The following ZBTB20 variants were observed in gnomAD, a reference collection of about 807,000 sequenced individuals.
The protein encoded by ZBTB20 is zinc finger and BTB domain-containing protein 20.
In ZBTB20, 9 loss-of-function variants were observed where a neutral mutation model predicts 56.9. That is an observed-to-expected ratio of 0.16 (90% CI 0.10 to 0.28). The LOEUF is 0.28. Ranked by LOEUF, ZBTB20 falls within the 10% of genes least tolerant of loss-of-function variation. The pLI is 1.00. For synonymous variants in ZBTB20, 417 were observed against 420.7 expected (o/e 0.99, Z 0.11); for missense variants, 655 against 1,003.0 (o/e 0.65, Z 4.69).
At chr3:115,049,205 G>C (rs1053593299) in intron 2 of ZBTB20, among the ~76,000 whole-genome samples, 2 of 152,112 alleles carry the variant, frequency 1.3e-5, no homozygotes, top group Non-Finnish European at 2.9e-5. Flanking sequence ...TATATAGAGA[G>C]AGGAATTATC....
intron 5 of ZBTB20, among the ~76,000 whole-genome samples, chr3:114,705,799 G>A (rs977043980): frequency 6.6e-6 from 1 of 152,156 alleles, no homozygotes; most frequent in African/African-American, 2.4e-5. Context: ...CCAGCACTGG[G>A]AGATGTCATG....
intron 2 of ZBTB20, among the ~76,000 whole-genome samples, chr3:115,045,593 T>G (rs987653811): frequency 1.3e-5 from 2 of 151,128 alleles, no homozygotes; most frequent in Non-Finnish European, 3.0e-5. Flanking sequence ...TAAAATGCAA[T>G]CAATCCAGTC....
At chr3:114,799,227 T>TG (rs1406160549) in intron 5 of ZBTB20, among the ~76,000 whole-genome samples, 1 of 151,922 alleles carries the variant, frequency 6.6e-6, no homozygotes, top group Non-Finnish European at 1.5e-5. Flanking sequence ...TCATCTACCC[T>TG]GGAATTGGGC....
At chr3:114,999,990 G>A (rs1395777764) in intron 2 of ZBTB20, among the ~76,000 whole-genome samples, 1 of 151,322 alleles carries the variant, frequency 6.6e-6, no homozygotes, top group East Asian at 2.0e-4. Context: ...TTTGTTTAAG[G>A]CATAACTCTG....
chr3:114,409,125 C>CT (rs56339103), intron 7 of ZBTB20, among the ~76,000 whole-genome samples: 2,615 of 71,914 alleles, frequency 0.036, 197 homozygotes, highest in African/African-American at 0.05. Flanking sequence ...AAAGGGAAGA[C>CT]TTTTTTTTTT....
chr3:114,705,553 C>A (rs932516276), intron 5 of ZBTB20, among the ~76,000 whole-genome samples: 3 of 152,068 alleles, frequency 2.0e-5, no homozygotes, highest in African/African-American at 4.8e-5. Flanking sequence ...AGACCCACAC[C>A]CACTTCTTCT....
chr3:114,863,314 T>C (rs1237997182), intron 4 of ZBTB20, among the ~76,000 whole-genome samples: 2 of 152,154 alleles, frequency 1.3e-5, no homozygotes, highest in Non-Finnish European at 2.9e-5. Context: ...CTATATTAGT[T>C]ATTCATATTG....
chr3:115,095,660 T>G (rs1560568769), intron 1 of ZBTB20, among the ~76,000 whole-genome samples: 1 of 152,182 alleles, frequency 6.6e-6, no homozygotes, highest in Non-Finnish European at 1.5e-5. Context: ...ACATACATGA[T>G]AGTAATCATA....
At chr3:114,670,716 A>G (rs956191091) in intron 6 of ZBTB20, among the ~76,000 whole-genome samples, 2 of 152,106 alleles carry the variant, frequency 1.3e-5, no homozygotes, top group Non-Finnish European at 2.9e-5. Flanking sequence ...ATCTTGCTCT[A>G]GAGAAAAACA....
chr3:114,778,593 T>C (rs1482897614), intron 5 of ZBTB20, among the ~76,000 whole-genome samples: 23 of 152,166 alleles, frequency 1.5e-4, no homozygotes, highest in Admixed American at 1.5e-3. Context: ...CTAATAGATG[T>C]AGACTACAGA....
At chr3:115,091,505 CTT>C in intron 1 of ZBTB20, among the ~76,000 whole-genome samples, 1 of 151,972 alleles carries the variant, frequency 6.6e-6, no homozygotes, top group Non-Finnish European at 1.5e-5. Context: ...ACAATACACA[CTT>C]GTGAATAGGC....
rs200832656 is a variant in ZBTB20, at chr3:114,938,494, T to TA, written c.-456+35871dup. Among the ~76,000 whole-genome samples, 47 of 146,154 alleles carry TA rather than the reference T, an allele frequency of 3.2e-4. 1 individual carries two copies. The East Asian group carries it at 8.9e-3, about 28-fold the overall frequency. ...TACACCATGGAATACTATGCAGCCATAAAAAGGATGAGTTCATCTCCTTTG... is the reference window on the plus strand; with the variant it reads ...TACACCATGGAATACTATGCAGCCATAAAAAAGGATGAGTTCATCTCCTTTG... On this transcript the variant is annotated intron_variant, in intron 3 of 11. Coordinates refer to ENST00000675478, the MANE Select transcript of ZBTB20 (RefSeq NM_001348800.3).
intron 1 of ZBTB20, among the ~76,000 whole-genome samples, chr3:115,117,887 T>C (rs982157295): frequency 6.6e-6 from 1 of 152,208 alleles, no homozygotes; most frequent in Non-Finnish European, 1.5e-5. Flanking sequence ...TTACTCTTAA[T>C]TATTCATGGG....
chr3:115,131,961 G>A lies in ZBTB20; in HGVS notation c.-703+15258C>T, dbSNP rs931870674. On this transcript the variant is annotated intron_variant, in intron 1 of 11. Coordinates refer to ENST00000675478, the MANE Select transcript of ZBTB20 (RefSeq NM_001348800.3). ...TTTAGATGAGCTGACTTTGTAATAT[G>A]TTCTGGTATGTGTAATACAAGTCCC... is the stretch of plus-strand genomic sequence containing the variant. Among the ~76,000 whole-genome samples, 57 of 151,936 alleles carry A rather than the reference G, an allele frequency of 3.8e-4. 1 individual carries two copies. Among genetic ancestry groups the A allele is most frequent in the African/African-American group, 1.4e-3 (57 of 41,346 alleles).
intron 6 of ZBTB20, among the ~76,000 whole-genome samples, chr3:114,505,145 G>T (rs2044451165): frequency 6.6e-6 from 1 of 152,130 alleles, no homozygotes; most frequent in South Asian, 2.1e-4. Flanking sequence ...TGCCAGCTGA[G>T]GTATCTGGCT....
intron 6 of ZBTB20, among the ~76,000 whole-genome samples, chr3:114,549,465 T>C (rs976758445): frequency 7.9e-5 from 12 of 152,192 alleles, no homozygotes; most frequent in African/African-American, 2.9e-4. Context: ...TTTTTCAACA[T>C]GGTAATATTA....
intron 6 of ZBTB20, among the ~76,000 whole-genome samples, chr3:114,594,555 A>T (rs1196925427): frequency 6.6e-6 from 1 of 152,114 alleles, no homozygotes; most frequent in Non-Finnish European, 1.5e-5. Context: ...TCTGCAGGCT[A>T]ATTCTATGTT....
intron 4 of ZBTB20, among the ~76,000 whole-genome samples, chr3:114,848,376 G>A (rs983047525): frequency 1.3e-5 from 2 of 152,128 alleles, no homozygotes; most frequent in African/African-American, 2.4e-5. Context: ...GCCTGGCACC[G>A]CTATAGAGCA....
At chr3:114,991,098 T>C (rs2078787623) in intron 2 of ZBTB20, among the ~76,000 whole-genome samples, 1 of 152,200 alleles carries the variant, frequency 6.6e-6, no homozygotes, top group African/African-American at 2.4e-5. Context: ...TTTGTGTCTC[T>C]ATCTCCTTCA....
Sources: allele counts gnomAD v4.1 joint callset (sites outside exome capture counted in the v4.1 genomes callset), GRCh38; gene constraint gnomAD v4.1.1; transcripts MANE v1.5; gene names NCBI Gene and HGNC (gene_info 2026-07-23, HGNC 2026-07-21).